Variants in OR10H4 observed in about 807,000 individuals in gnomAD.
OR10H4 encodes olfactory receptor family 10 subfamily H member 4, also known as olfactory receptor 10H4.
Under a neutral mutation model 10.5 loss-of-function variants are expected in OR10H4, and 10 were observed. The ratio of observed to expected loss-of-function variants is 0.95; its 90% CI spans 0.59 to 1.62. The LOEUF (loss-of-function observed/expected upper bound fraction) is 1.62. Among genes scored for constraint, OR10H4 ranks in the 40% most tolerant of loss-of-function variants. The pLI, the probability that OR10H4 is intolerant of heterozygous loss-of-function variation, is 0.00. For synonymous variants in OR10H4, 160 were observed against 149.4 expected, an observed-to-expected ratio of 1.07 and a Z score of -0.52; for missense variants, 397 against 391.5, an observed-to-expected ratio of 1.01 and a Z score of -0.12.
rs141816381 is a variant in OR10H4, at chr19:15,949,683, G to A, written c.676G>A (p.Ala226Thr). The A allele has an allele frequency of 6.2e-7, 1 of 1,614,170 alleles. No homozygotes were observed. The highest frequency in any genetic ancestry group is 8.5e-7 in the Non-Finnish European group (1 of 1,180,034). Reference protein sequence around the residue: ...IILSYVFIVAAILRIPSAEGR... With the variant: ...IILSYVFIVATILRIPSAEGR... ...CCTCTCCTATGTCTTCATTGTGGCT[G>A]CCATCTTGAGGATTCCCTCTGCCGA... is the stretch of plus-strand genomic sequence containing the variant. Residue 226 changes from alanine (A) to threonine (T), a missense_variant, in exon 1 of 1, where the codon GCC becomes ACC. Transcript: ENST00000322107.
chr19:15,949,550 T>C lies in OR10H4; in HGVS notation c.543T>C (p.His181=), dbSNP rs1378080301. The change falls in exon 1 of 1, where the codon CAT becomes CAC. Residue 181 remains histidine, a synonymous_variant. Coordinates refer to ENST00000322107, the MANE Select transcript of OR10H4 (RefSeq NM_001004465.1). ...ATGTGATCCACCATTTTTTCTGTCA[T>C]GTGCTTTCCCTCTTGAAGTTGGCCT... ...GSNVIHHFFC[H]VLSLLKLACE... 8.1e-6 allele frequency: 13 copies of C among 1,614,108 alleles called. No individual in the cohort carries two copies. The highest frequency in any genetic ancestry group is 4.0e-5 in the African/African-American group (3 of 74,932).
Position 15,949,628 on chromosome 19 carries a change from A to T in OR10H4, c.621A>T (p.Thr207=). Residue 207 remains threonine (T), a synonymous_variant, in exon 1 of 1, where the codon ACA becomes ACT. Coordinates refer to ENST00000322107, the MANE Select transcript of OR10H4 (RefSeq NM_001004465.1). ...VIMGVMLVCV[T]ALIGCLFLII... is the part of the protein sequence containing the mutation. ...TGGGTGTGATGCTGGTGTGTGTCAC[A>T]GCCCTGATAGGCTGTTTATTCCTCA... 6.2e-7 allele frequency: 1 copy of T among 1,614,244 alleles called. No homozygotes were observed. The highest frequency in any genetic ancestry group is 8.5e-7 in the Non-Finnish European group (1 of 1,180,030).
rs1478959229 is a variant in OR10H4 at position 15,949,601 on chromosome 19, C to T, written c.594C>T (p.Ile198=). 4 of 1,614,228 alleles carry T rather than the reference C, an allele frequency of 2.5e-6. No homozygotes were observed. Among genetic ancestry groups the T allele is most frequent in the Admixed American group, 1.7e-5 (1 of 60,024 alleles). Residue 198 remains isoleucine (I), a synonymous_variant, in exon 1 of 1, where the codon ATC becomes ATT. Transcript: ENST00000322107. ...GTGAAAACAAGACATCATCTGTCAT[C>T]ATGGGTGTGATGCTGGTGTGTGTCA... is the stretch of plus-strand genomic sequence containing the variant. The part of the protein sequence containing the change: ...LACENKTSSV[I]MGVMLVCVTA...
In OR10H4 at chr19:15,949,238, C is replaced by T; in HGVS notation, c.231C>T (p.Ala77=). Residue 77 remains alanine (A), a synonymous_variant, in exon 1 of 1, where the codon GCC becomes GCT. Transcript: ENST00000322107. ...TCTCTGAGATTCTGTTCACTGTTGC[C>T]ATCACCCCTCGCATGCTGGCTGATC... ...LSVSEILFTV[A]ITPRMLADLL... 2 of 1,614,214 alleles carry T rather than the reference C, an allele frequency of 1.2e-6. No homozygotes were observed. Among genetic ancestry groups the T allele is most frequent in the South Asian group, 1.1e-5 (1 of 91,082 alleles).
rs1568263914 is a variant in OR10H4, at chr19:15,949,781, C to T, written c.774C>T (p.Ser258=). ...TVVVTHYSFA[S]FIYLKPKGLH... is the part of the protein sequence containing the mutation. Reference sequence around the variant, plus strand: ...TGGTCACGCACTATAGTTTTGCCTCCTTTATCTACCTCAAGCCCAAGGGCC... The same window carrying T: ...TGGTCACGCACTATAGTTTTGCCTCTTTTATCTACCTCAAGCCCAAGGGCC... The change falls in exon 1 of 1, where the codon TCC becomes TCT. Residue 258 remains serine, a synonymous_variant. Transcript: ENST00000322107. The T allele has an allele frequency of 1.2e-6, 2 of 1,614,170 alleles. No individual in the cohort carries two copies. Among genetic ancestry groups the T allele is most frequent in the Middle Eastern group, 1.6e-4 (1 of 6,062 alleles).
Position 15,949,813 on chromosome 19 carries a change from C to A in OR10H4, c.806C>A (p.Ser269Tyr), listed in dbSNP as rs148611935. The change falls in exon 1 of 1, where the codon TCT becomes TAT. Residue 269 changes from serine to tyrosine, a missense_variant. Transcript: ENST00000322107. ...FIYLKPKGLH[S>Y]MYSDALMATT... is the part of the protein sequence containing the mutation. ...TACCTCAAGCCCAAGGGCCTCCATT[C>A]TATGTACAGTGACGCCTTGATGGCC... is the stretch of plus-strand genomic sequence containing the variant. 6.8e-6 allele frequency: 11 copies of A among 1,614,090 alleles called. No homozygotes were observed. The African/African-American group carries it at 1.5e-4, about 22-fold the overall frequency.
At position 15,949,239 on chromosome 19, in the gene OR10H4, A is replaced by G; in HGVS notation, c.232A>G (p.Ile78Val). ...CTCTGAGATTCTGTTCACTGTTGCCATCACCCCTCGCATGCTGGCTGATCT... is the reference window on the plus strand; with the variant it reads ...CTCTGAGATTCTGTTCACTGTTGCCGTCACCCCTCGCATGCTGGCTGATCT... ...SVSEILFTVA[I>V]TPRMLADLLS... Residue 78 changes from isoleucine to valine, a missense_variant, in exon 1 of 1, where the codon ATC (isoleucine) becomes GTC (valine). Ile to Val is a conservative substitution (Grantham distance 29). Transcript: ENST00000322107. 1 of 1,614,170 alleles carries G rather than the reference A, an allele frequency of 6.2e-7. No homozygotes were observed. The highest frequency in any genetic ancestry group is 8.5e-7 in the Non-Finnish European group (1 of 1,180,028).
At position 15,949,250 on chromosome 19, in the gene OR10H4, C is replaced by T; in HGVS notation, c.243C>T (p.Arg81=). 1 of 1,614,266 alleles carries T rather than the reference C, an allele frequency of 6.2e-7. No homozygotes were observed. The highest frequency in any genetic ancestry group is 1.1e-5 in the South Asian group (1 of 91,084). ...TGTTCACTGTTGCCATCACCCCTCG[C>T]ATGCTGGCTGATCTGCTTTCCACCC... ...EILFTVAITP[R]MLADLLSTHH... is the part of the protein sequence containing the mutation. Residue 81 remains arginine, a synonymous_variant, in exon 1 of 1, where the codon CGC becomes CGT. Coordinates refer to ENST00000322107, the MANE Select transcript of OR10H4 (RefSeq NM_001004465.1).
chr19:15,949,278 C>T lies in OR10H4; in HGVS notation c.271C>T (p.His91Tyr). The T allele has an allele frequency of 6.2e-7, 1 of 1,614,258 alleles. No individual in the cohort carries two copies. Among genetic ancestry groups the T allele is most frequent in the Non-Finnish European group, 8.5e-7 (1 of 1,180,044 alleles). Residue 91 changes from histidine (H) to tyrosine (Y), a missense_variant, in exon 1 of 1, where the codon CAT becomes TAT. Transcript: ENST00000322107. ...RMLADLLSTH[H>Y]SITFVACANQ... ...GCTGGCTGATCTGCTTTCCACCCAT[C>T]ATTCCATCACCTTTGTGGCTTGTGC...
rs1012084319 is a variant in OR10H4 at position 15,949,286 on chromosome 19, C to A, written c.279C>A (p.Ile93=). 1.9e-6 allele frequency: 3 copies of A among 1,614,254 alleles called. No individual in the cohort carries two copies. The African/African-American group carries it at 4.0e-5, about 22-fold the overall frequency. Residue 93 remains isoleucine, a synonymous_variant, in exon 1 of 1, where the codon ATC becomes ATA. Transcript: ENST00000322107. ...LADLLSTHHS[I]TFVACANQMF... ...ATCTGCTTTCCACCCATCATTCCAT[C>A]ACCTTTGTGGCTTGTGCCAACCAGA...
rs755532471 is a variant in OR10H4 at position 15,949,465 on chromosome 19, G to T, written c.458G>T (p.Gly153Val). 1 of 1,614,228 alleles carries T rather than the reference G, an allele frequency of 6.2e-7. No homozygotes were observed. The highest frequency in any genetic ancestry group is 8.5e-7 in the Non-Finnish European group (1 of 1,180,048). The change falls in exon 1 of 1, where the codon GGC (glycine) becomes GTC (valine). Residue 153 changes from glycine (G) to valine (V), a missense_variant. Physicochemically the swap from Gly to Val is moderately radical, Grantham distance 109 (BLOSUM62 -3). Coordinates refer to ENST00000322107, the MANE Select transcript of OR10H4 (RefSeq NM_001004465.1). ...CTTGTGGCCTGTACCTGGGCTGGTG[G>T]CTCAGTCATGGGGATGATGGTGACA... Reference protein sequence around the residue: ...AHLVACTWAGGSVMGMMVTTI... With the variant: ...AHLVACTWAGVSVMGMMVTTI...
chr19:15,949,610 G>T lies in OR10H4; in HGVS notation c.603G>T (p.Val201=), dbSNP rs1188346868. The change falls in exon 1 of 1, where the codon GTG becomes GTT. Residue 201 remains valine, a synonymous_variant. Transcript: ENST00000322107. ...ENKTSSVIMG[V]MLVCVTALIG... ...AGACATCATCTGTCATCATGGGTGTGATGCTGGTGTGTGTCACAGCCCTGA... is the reference window on the plus strand; with the variant it reads ...AGACATCATCTGTCATCATGGGTGTTATGCTGGTGTGTGTCACAGCCCTGA... 1.2e-6 allele frequency: 2 copies of T among 1,614,242 alleles called. No individual in the cohort carries two copies. Among genetic ancestry groups the T allele is most frequent in the East Asian group, 4.5e-5 (2 of 44,886 alleles).
chr19:15,949,560 C>A lies in OR10H4; in HGVS notation c.553C>A (p.Leu185Ile), dbSNP rs1440657772. Residue 185 changes from leucine to isoleucine, a missense_variant, in exon 1 of 1, where the codon CTC (leucine) becomes ATC (isoleucine). By Grantham distance (5) the Leu-to-Ile change is conservative. Transcript: ENST00000322107. ...CCATTTTTTCTGTCATGTGCTTTCC[C>A]TCTTGAAGTTGGCCTGTGAAAACAA... ...IHHFFCHVLS[L>I]LKLACENKTS... 1 of 1,614,196 alleles carries A rather than the reference C, an allele frequency of 6.2e-7. No individual in the cohort carries two copies.
In OR10H4 at chr19:15,949,055, C is replaced by T. The variant is rs1330368150; in HGVS notation, c.48C>T (p.Gly16=). 2 of 1,613,746 alleles carry T rather than the reference C, an allele frequency of 1.2e-6. No homozygotes were observed. Among genetic ancestry groups the T allele is most frequent in the African/African-American group, 2.7e-5 (2 of 74,936 alleles). Residue 16 remains glycine (G), a synonymous_variant, in exon 1 of 1, where the codon GGC becomes GGT. Transcript: ENST00000322107. The stretch of plus-strand genomic sequence containing the variant: ...TCATATCTGAATTTAACCTCTTTGG[C>T]TTCTCAGCCTTCCCCCAGCACCTCC... ...YSIISEFNLF[G]FSAFPQHLLP...
rs2089832181 is a variant in OR10H4, at chr19:15,949,352, TCTC to T, written c.348_350del (p.Leu117del). On this transcript the variant is annotated inframe_deletion, in exon 1 of 1. Coordinates refer to ENST00000322107, the MANE Select transcript of OR10H4 (RefSeq NM_001004465.1). ...TGTTTGGCTTCACTCACTCCTTCCT[TCTC>T]CTGGTCATGGGCTATGATCGCTATG... is the stretch of plus-strand genomic sequence containing the variant. The T allele has an allele frequency of 1.2e-6, 2 of 1,614,016 alleles. No homozygotes were observed. Among genetic ancestry groups the T allele is most frequent in the African/African-American group, 2.7e-5 (2 of 74,908 alleles).
In OR10H4 at chr19:15,949,815, A is replaced by G. The variant is rs773546556; in HGVS notation, c.808A>G (p.Met270Val). The G allele has an allele frequency of 1.1e-5, 17 of 1,613,936 alleles. No homozygotes were observed. The African/African-American group carries it at 1.1e-4, about 10-fold the overall frequency. The change falls in exon 1 of 1, where the codon ATG (methionine) becomes GTG (valine). Residue 270 changes from methionine to valine, a missense_variant. Met to Val is a conservative substitution (Grantham distance 21). Transcript: ENST00000322107. ...CCTCAAGCCCAAGGGCCTCCATTCT[A>G]TGTACAGTGACGCCTTGATGGCCAC... Reference protein sequence around the residue: ...IYLKPKGLHSMYSDALMATTY... With the variant: ...IYLKPKGLHSVYSDALMATTY...
Position 15,949,731 on chromosome 19 carries a change from A to G in OR10H4, c.724A>G (p.Thr242Ala). The change falls in exon 1 of 1, where the codon ACG becomes GCG. Residue 242 changes from threonine to alanine, a missense_variant. Coordinates refer to ENST00000322107, the MANE Select transcript of OR10H4 (RefSeq NM_001004465.1). ...CGAAGGCCGGCACAAGACATTTTCT[A>G]CGTGTGTATCCCACCTCACTGTGGT... Reference protein sequence around the residue: ...SAEGRHKTFSTCVSHLTVVVT... With the variant: ...SAEGRHKTFSACVSHLTVVVT... The G allele has an allele frequency of 6.2e-7, 1 of 1,614,070 alleles. No individual in the cohort carries two copies.
Position 15,949,611 on chromosome 19 carries a change from A to T in OR10H4, c.604A>T (p.Met202Leu). 1 of 1,614,166 alleles carries T rather than the reference A, an allele frequency of 6.2e-7. No individual in the cohort carries two copies. Among genetic ancestry groups the T allele is most frequent in the African/African-American group, 1.3e-5 (1 of 75,030 alleles). Reference sequence around the variant, plus strand: ...GACATCATCTGTCATCATGGGTGTGATGCTGGTGTGTGTCACAGCCCTGAT... The same window carrying T: ...GACATCATCTGTCATCATGGGTGTGTTGCTGGTGTGTGTCACAGCCCTGAT... ...NKTSSVIMGV[M>L]LVCVTALIGC... is the part of the protein sequence containing the mutation. Residue 202 changes from methionine (M) to leucine (L), a missense_variant, in exon 1 of 1, where the codon ATG becomes TTG. Coordinates refer to ENST00000322107, the MANE Select transcript of OR10H4 (RefSeq NM_001004465.1).
At position 15,949,441 on chromosome 19, in the gene OR10H4, T is replaced by C. The variant is rs183387692; in HGVS notation, c.434T>C (p.Leu145Pro). Residue 145 changes from leucine to proline, a missense_variant, in exon 1 of 1, where the codon CTT (leucine) becomes CCT (proline). By Grantham distance (98) the Leu-to-Pro change is moderately conservative. Coordinates refer to ENST00000322107, the MANE Select transcript of OR10H4 (RefSeq NM_001004465.1). ...VLMSPRDCAH[L>P]VACTWAGGSV... is the part of the protein sequence containing the mutation. ...ATGAGCCCCCGTGACTGTGCCCATCTTGTGGCCTGTACCTGGGCTGGTGGC... is the reference window on the plus strand; with the variant it reads ...ATGAGCCCCCGTGACTGTGCCCATCCTGTGGCCTGTACCTGGGCTGGTGGC... 1 of 1,614,244 alleles carries C rather than the reference T, an allele frequency of 6.2e-7. No homozygotes were observed. Among genetic ancestry groups the C allele is most frequent in the African/African-American group, 1.3e-5 (1 of 75,078 alleles).
Sources: gnomAD v4.1 joint callset for allele counts on GRCh38, gnomAD v4.1.1 for gene constraint, MANE v1.5 for transcripts, NCBI Gene and HGNC (gene_info 2026-07-23, HGNC 2026-07-21) for gene names.